The following ANO4 variants were observed in gnomAD, a reference collection of about 807,000 sequenced individuals.
ANO4 encodes the protein anoctamin-4.
ANO4 carries 69 observed loss-of-function variants against 141.9 expected under a neutral mutation model. The ratio of observed to expected loss-of-function variants is 0.49; its 90% CI spans 0.40 to 0.59. The LOEUF (loss-of-function observed/expected upper bound fraction) is 0.59. Ranked by LOEUF, ANO4 falls within the 20% of genes least tolerant of loss-of-function variation. The pLI, the probability that ANO4 is intolerant of heterozygous loss-of-function variation, is 0.00. For synonymous variants in ANO4, 350 were observed against 394.3 expected (o/e 0.89, Z 1.33); for missense variants, 894 against 1,162.2 (o/e 0.77, Z 3.36).
chr12:100,987,815 C>T (rs2044783628), intron 8 of ANO4, 145 bp downstream of exon 8: 2 of 1,181,730 alleles, frequency 1.7e-6, no homozygotes, highest in Non-Finnish European at 2.3e-6. Context: ...GTTCATATCC[C>T]TTTTATTTCA....
chr12:100,971,211 C>A, intron 5 of ANO4, 95 bp from the exon 6 acceptor site: 1 of 775,342 alleles, frequency 1.3e-6, no homozygotes, highest in Non-Finnish European at 2.1e-6. Flanking sequence ...AAATCATAAA[C>A]TCTGTCCAGG....
intron 1 of ANO4, among the ~76,000 whole-genome samples, chr12:100,891,060 CT>C (rs1443162552): frequency 6.6e-6 from 1 of 152,132 alleles, no homozygotes; most frequent in Non-Finnish European, 1.5e-5. Flanking sequence ...CCTTTTCAGA[CT>C]GGCTTCTTTC....
At chr12:100,745,228 G>A (rs1018772462) in intron 3 of ANO4, among the ~76,000 whole-genome samples, 12 of 152,094 alleles carry the variant, frequency 7.9e-5, no homozygotes, top group African/African-American at 2.2e-4. Context: ...GCACATCTGT[G>A]CCATCTACTT....
chr12:100,845,285 C>A (rs1308771955), intron 1 of ANO4, among the ~76,000 whole-genome samples: 1 of 152,100 alleles, frequency 6.6e-6, no homozygotes, highest in Non-Finnish European at 1.5e-5. Context: ...GGATATGAGT[C>A]ATCACAGAAA....
intron 22 of ANO4, among the ~76,000 whole-genome samples, chr12:101,108,841 A>G (rs2050552479): frequency 6.6e-6 from 1 of 152,138 alleles, no homozygotes; most frequent in Admixed American, 6.5e-5. Flanking sequence ...TACTTTTGCT[A>G]ATGTTAACAT....
At chr12:101,117,133 G>A (rs780354547) in intron 25 of ANO4, among the ~76,000 whole-genome samples, 3 of 152,320 alleles carry the variant, frequency 2.0e-5, no homozygotes, top group Non-Finnish European at 4.4e-5. Flanking sequence ...CGGGTTGAGC[G>A]ACAGCTGTTG....
At chr12:100,859,204 A>G (rs998624736) in intron 1 of ANO4, 1 of 152,172 alleles carries the variant, frequency 6.6e-6, no homozygotes, top group Non-Finnish European at 1.5e-5. Context: ...GAACTCGGAT[A>G]TGGCCATATG....
intron 2 of ANO4, among the ~76,000 whole-genome samples, chr12:100,909,070 G>T (rs1372800438): frequency 6.6e-6 from 1 of 152,170 alleles, no homozygotes; most frequent in East Asian, 1.9e-4. Context: ...ACCAACAAGA[G>T]AAACTAATCA....
At chr12:100,806,906 T>C (rs1162924019) in intron 1 of ANO4, among the ~76,000 whole-genome samples, 7 of 152,092 alleles carry the variant, frequency 4.6e-5, no homozygotes, top group Non-Finnish European at 4.4e-5. Flanking sequence ...GTGTTTCTGC[T>C]TATTTTGTTA....
chr12:100,992,466 T>C (rs2045179450), intron 8 of ANO4, among the ~76,000 whole-genome samples: 1 of 152,192 alleles, frequency 6.6e-6, no homozygotes, highest in African/African-American at 2.4e-5. Flanking sequence ...TCCTTCTTCA[T>C]GTAGTATGCT....
chr12:101,104,627 G>GTGTATATATA (rs1297866922), intron 22 of ANO4, among the ~76,000 whole-genome samples: 56 of 62,002 alleles, frequency 9.0e-4, no homozygotes, highest in Non-Finnish European at 1.3e-3. Context: ...ATGTATGTGT[G>GTGTATATATA]TATATATATA....
intron 8 of ANO4, among the ~76,000 whole-genome samples, chr12:100,989,750 TATGGATGG>T (rs370125379): frequency 0.11 from 12,389 of 114,928 alleles, 596 homozygotes; most frequent in Middle Eastern, 0.19. Context: ...TGGATGGATA[TATGGATGG>T]ATGGATGGAT....
intron 25 of ANO4, 31 bp downstream of exon 25, chr12:101,116,829 G>C (rs762700193): frequency 6.2e-7 from 1 of 1,613,594 alleles, no homozygotes; most frequent in East Asian, 2.2e-5. Context: ...GGCTCTGCCT[G>C]AGCTGGGCTG....
At chr12:101,116,854 A>C (rs1254005901) in intron 25 of ANO4, 56 bp downstream of exon 25, 1 of 1,611,610 alleles carries the variant, frequency 6.2e-7, no homozygotes, top group Non-Finnish European at 8.5e-7. Flanking sequence ...CACCGTGGGG[A>C]GGTTTTACTC....
intron 1 of ANO4, among the ~76,000 whole-genome samples, chr12:100,824,141 G>A (rs2036204525): frequency 6.6e-6 from 1 of 151,972 alleles, no homozygotes; most frequent in African/African-American, 2.4e-5. Context: ...TTGGAGTTTT[G>A]AGGCTCTGTC....
intron 7 of ANO4, chr12:100,987,105 C>T (rs1275049957): frequency 6.3e-6 from 1 of 157,498 alleles, no homozygotes. Flanking sequence ...CCAGCACCCC[C>T]TCCCGAAAGT....
At chr12:100,959,836 T>G (rs1465710577) in intron 5 of ANO4, among the ~76,000 whole-genome samples, 1 of 152,202 alleles carries the variant, frequency 6.6e-6, no homozygotes, top group Non-Finnish European at 1.5e-5. Flanking sequence ...TTCTTCTGTA[T>G]CTCCATCTTC....
intron 8 of ANO4, among the ~76,000 whole-genome samples, chr12:100,995,098 GC>G (rs1218106309): frequency 4.7e-5 from 7 of 150,186 alleles, no homozygotes; most frequent in Non-Finnish European, 8.9e-5. Context: ...GGGGATAAAT[GC>G]TATGGGAACA....
chr12:100,775,881 G>T (rs1268170887), intron 3 of ANO4, among the ~76,000 whole-genome samples: 1 of 150,966 alleles, frequency 6.6e-6, no homozygotes, highest in Non-Finnish European at 1.5e-5. Flanking sequence ...CCCAGCTGTT[G>T]TGTTTTTAAG....
Sources: allele counts gnomAD v4.1 joint callset (sites outside exome capture counted in the v4.1 genomes callset), GRCh38; gene constraint gnomAD v4.1.1; transcripts MANE v1.5; gene names NCBI Gene and HGNC (gene_info 2026-07-23, HGNC 2026-07-21).